Variants in BAZ1B observed in about 807,000 individuals in gnomAD.
The protein encoded by BAZ1B is tyrosine-protein kinase BAZ1B.
Under a neutral mutation model 153.8 loss-of-function variants are expected in BAZ1B, and 22 were observed. That is an observed-to-expected ratio of 0.14 (90% confidence interval 0.10 to 0.20). The LOEUF (loss-of-function observed/expected upper bound fraction) is 0.20. Among genes scored for constraint, BAZ1B ranks in the 10% least tolerant of loss-of-function variants. BAZ1B has a pLI of 1.00. For missense variants in BAZ1B, 1,325 were observed against 1,799.3 expected (o/e 0.74, Z 4.77); for synonymous variants, 676 against 633.4 (o/e 1.07, Z -1.01).
intron 7 of BAZ1B, among the ~76,000 whole-genome samples, chr7:73,472,531 T>C (rs1788845237): frequency 6.6e-6 from 1 of 152,188 alleles, no homozygotes; most frequent in Non-Finnish European, 1.5e-5. Flanking sequence ...GTGCTGGGAT[T>C]GTAGGTGTTG....
intron 11 of BAZ1B, chr7:73,464,277 AAAT>A: frequency 2.2e-6 from 1 of 453,992 alleles, no homozygotes; most frequent in Non-Finnish European, 2.9e-6. Context: ...GCTTTGATAG[AAAT>A]AATGTCTACA....
chr7:73,463,211 C>A, intron 11 of BAZ1B, 112 bp from the exon 12 acceptor site: 11 of 935,260 alleles, frequency 1.2e-5, no homozygotes, highest in East Asian at 2.5e-5. Flanking sequence ...AGATCTCTTT[C>A]ACCTCTCCCT....
Position 73,522,081 on chromosome 7 carries a change from A to G in BAZ1B, c.-148T>C. The G allele has an allele frequency of 4.1e-6, 2 of 488,008 alleles. No individual in the cohort carries two copies. The highest frequency in any genetic ancestry group is 6.5e-6 in the Non-Finnish European group (2 of 309,254). The allele number at this position is 488,008 out of a possible 1,614,324, so 30.2% of individuals were successfully genotyped here. The stretch of plus-strand genomic sequence containing the variant: ...GGGCGGCGCGAACTCCGGCTCCCTC[A>G]CCGCCGGCGCGGCCGCGCGACAGTC... On this transcript the variant is annotated 5_prime_UTR_variant, in exon 1 of 20. The change abolishes the stop of an existing upstream ORF in the 5' untranslated region. Coordinates refer to ENST00000339594, the MANE Select transcript of BAZ1B (RefSeq NM_032408.4).
In BAZ1B at chr7:73,506,592, G is replaced by A. The variant is rs187355661; in HGVS notation, c.369+1735C>T. On this transcript the variant is annotated intron_variant, in intron 3 of 19. Coordinates refer to ENST00000339594, the MANE Select transcript of BAZ1B (RefSeq NM_032408.4). ...TCTGAGGCCGGGCGCAGTGACTCACGCCTGTAATCCCAACTCTGGGAGGCT... is the reference window on the plus strand; with the variant it reads ...TCTGAGGCCGGGCGCAGTGACTCACACCTGTAATCCCAACTCTGGGAGGCT... Among the ~76,000 whole-genome samples, 38 of 151,734 alleles carry A rather than the reference G, an allele frequency of 2.5e-4. No homozygotes were observed. In the East Asian group the frequency reaches 4.9e-3, roughly 20 times the overall value.
At chr7:73,458,391 T>C (rs1440414343) in intron 13 of BAZ1B, among the ~76,000 whole-genome samples, 1 of 151,970 alleles carries the variant, frequency 6.6e-6, no homozygotes. Context: ...AATGGTAAAT[T>C]TGGGCTGGAC....
intron 1 of BAZ1B, among the ~76,000 whole-genome samples, chr7:73,514,500 T>C (rs1254796448): frequency 1.3e-5 from 2 of 148,656 alleles, no homozygotes; most frequent in African/African-American, 2.5e-5. Context: ...GCCATTGCAC[T>C]GTAGCCTGGG....
At position 73,492,141 on chromosome 7, in the gene BAZ1B, C is replaced by T. The variant is rs557683535; in HGVS notation, c.693+659G>A. Among the ~76,000 whole-genome samples the T allele has an allele frequency of 1.8e-3, 278 of 151,840 alleles. 4 individuals are homozygous for T. The highest frequency in any genetic ancestry group is 8.1e-3 in the East Asian group (42 of 5,164). ...CTGAGTAGCTGGGATTATAGGCGTG[C>T]GCCACCACACCTGGCAAATTTTTTT... On this transcript the variant is annotated intron_variant, in intron 5 of 19. Coordinates refer to ENST00000339594, the MANE Select transcript of BAZ1B (RefSeq NM_032408.4).
Position 73,442,178 on chromosome 7 carries a change from T to C in BAZ1B, c.*15+3A>G, listed in dbSNP as rs1554565173. ...AGCTGTCCCCCCACCTCAGCTCCCT[T>C]ACCACGGCCCTGCCTCTCTACTTCT... On this transcript the variant is annotated splice_donor_region_variant and intron_variant, in intron 19 of 19. Transcript: ENST00000339594. 21 of 1,029,004 alleles carry C rather than the reference T, an allele frequency of 2.0e-5. No individual in the cohort carries two copies. The highest frequency in any genetic ancestry group is 5.0e-5 in the East Asian group (1 of 20,092). The allele number at this position is 1,029,004 out of a possible 1,614,324, so 63.7% of individuals were successfully genotyped here. A position where few individuals can be genotyped will look rare whatever the true frequency, so the allele number is the denominator to read the frequency against.
chr7:73,478,246 C>T lies in BAZ1B; in HGVS notation c.1215G>A (p.Lys405=), dbSNP rs200101258. The T allele has an allele frequency of 6.2e-7, 1 of 1,614,200 alleles. No individual in the cohort carries two copies. The highest frequency in any genetic ancestry group is 1.3e-5 in the African/African-American group (1 of 75,066). ...CATTCAGGATGCCTTTGCTTCTGCC[C>T]TTTGCCTTCAAAGGCTTGTCACTGT... The part of the protein sequence containing the change: ...GKHSDKPLKA[K]GRSKGILNGQ... Residue 405 remains lysine (K), a synonymous_variant, in exon 7 of 20, where the codon AAG becomes AAA. Coordinates refer to ENST00000339594, the MANE Select transcript of BAZ1B (RefSeq NM_032408.4).
Position 73,477,733 on chromosome 7 carries a change from T to C in BAZ1B, c.1728A>G (p.Lys576=), listed in dbSNP as rs782071690. Reference sequence around the variant, plus strand: ...ACTCTTGGTCCTCATACCGCTTCTGTTTTTCTAATCTCTCAAGCATTTCTT... The same window carrying C: ...ACTCTTGGTCCTCATACCGCTTCTGCTTTTCTAATCTCTCAAGCATTTCTT... The part of the protein sequence containing the change: ...REKEMLERLE[K]QKRYEDQELT... Residue 576 remains lysine (K), a synonymous_variant, in exon 7 of 20, where the codon AAA becomes AAG. Coordinates refer to ENST00000339594, the MANE Select transcript of BAZ1B (RefSeq NM_032408.4). The surrounding 1 kb of genome is among the most constrained non-coding windows in gnomAD (Gnocchi z 5.6). 1.9e-6 allele frequency: 3 copies of C among 1,614,086 alleles called. No individual in the cohort carries two copies. The highest frequency in any genetic ancestry group is 1.6e-4 in the Middle Eastern group (1 of 6,084).
In BAZ1B at chr7:73,466,404, A is replaced by G. The variant is rs781942326; in HGVS notation, c.2867-3T>C. The stretch of plus-strand genomic sequence containing the variant: ...TTTACCTAAGTTTGCTTTCTTACCT[A>G]AGAAAAATTGAGACATTAGGTTGAC... On this transcript the variant is annotated splice_polypyrimidine_tract_variant and splice_region_variant and intron_variant, in intron 9 of 19. Coordinates refer to ENST00000339594, the MANE Select transcript of BAZ1B (RefSeq NM_032408.4). The G allele has an allele frequency of 6.2e-7, 1 of 1,607,794 alleles. No individual in the cohort carries two copies. The highest frequency in any genetic ancestry group is 1.3e-5 in the African/African-American group (1 of 74,766).
In BAZ1B at chr7:73,462,988, T is replaced by C. The variant is rs570701470; in HGVS notation, c.3183A>G (p.Glu1061=). The stretch of plus-strand genomic sequence containing the variant: ...CTCCTTTTTGTAACCTTGTTGCAAC[T>C]TCAATGAGATCACTACGAAGGAAGT... ...LLNFLRSDLI[E]VATRLQKGGL... Residue 1061 remains glutamate (E), a synonymous_variant, in exon 12 of 20, where the codon GAA becomes GAG. Transcript: ENST00000339594. 8.1e-6 allele frequency: 13 copies of C among 1,614,066 alleles called. No homozygotes were observed. Among genetic ancestry groups the C allele is most frequent in the Admixed American group, 1.7e-5 (1 of 60,020 alleles).
At chr7:73,489,422 C>T in intron 5 of BAZ1B, 31 bp from the exon 6 acceptor site, 1 of 1,611,426 alleles carries the variant, frequency 6.2e-7, no homozygotes, top group Non-Finnish European at 8.5e-7. Flanking sequence ...TAACTCACCA[C>T]TGGGGTAAAA....
chr7:73,499,689 G>A lies in BAZ1B; in HGVS notation c.370-991C>T, dbSNP rs146145839. Among the ~76,000 whole-genome samples the A allele has an allele frequency of 2.8e-3, 431 of 152,344 alleles. 2 individuals are homozygous for A. The highest frequency in any genetic ancestry group is 0.01 in the African/African-American group (420 of 41,582). On this transcript the variant is annotated intron_variant, in intron 3 of 19. Coordinates refer to ENST00000339594, the MANE Select transcript of BAZ1B (RefSeq NM_032408.4). The stretch of plus-strand genomic sequence containing the variant: ...CACACTCCGGCCTAGGTGACAGGGT[G>A]AGACCCTATCTTGGGGCATTAGAGG...
intron 3 of BAZ1B, 107 bp downstream of exon 3, chr7:73,508,217 TATA>T (rs1563401030): frequency 1.7e-6 from 2 of 1,201,680 alleles, no homozygotes; most frequent in Non-Finnish European, 2.3e-6. Flanking sequence ...TAACATTAAA[TATA>T]ATACTAAATA....
intron 1 of BAZ1B, among the ~76,000 whole-genome samples, chr7:73,512,317 T>C (rs1790620486): frequency 6.6e-6 from 1 of 151,806 alleles, no homozygotes; most frequent in Non-Finnish European, 1.5e-5. Context: ...TTTTTTTAGC[T>C]GATCAACTGT....
At chr7:73,509,535 C>A (rs1790490179) in intron 2 of BAZ1B, among the ~76,000 whole-genome samples, 1 of 151,906 alleles carries the variant, frequency 6.6e-6, no homozygotes, top group African/African-American at 2.4e-5. Flanking sequence ...GCCTGGCCAA[C>A]AGAGTGAGAA....
chr7:73,482,922 C>CA (rs1354064576), intron 6 of BAZ1B, among the ~76,000 whole-genome samples: 1 of 152,126 alleles, frequency 6.6e-6, no homozygotes, highest in African/African-American at 2.4e-5. Flanking sequence ...GCTGGGCAGT[C>CA]ACAGCCAAAT....
intron 16 of BAZ1B, among the ~76,000 whole-genome samples, chr7:73,445,051 A>G (rs1293717920): frequency 6.7e-6 from 1 of 149,366 alleles, no homozygotes; most frequent in Non-Finnish European, 1.5e-5. Flanking sequence ...ACACACACAA[A>G]GGCACTGAGA....
Sources: gnomAD v4.1 joint callset for allele counts (sites outside exome capture counted in the v4.1 genomes callset) on GRCh38, gnomAD v4.1.1 for gene constraint, Gnocchi (gnomAD v3.1) non-coding constraint, MANE v1.5 for transcripts, NCBI Gene and HGNC (gene_info 2026-07-23, HGNC 2026-07-21) for gene names.